The following UBTD2 variants were observed in gnomAD, a reference collection of about 807,000 sequenced individuals.
The protein encoded by UBTD2 is ubiquitin domain-containing protein 2.
In UBTD2, 9 loss-of-function variants were observed where a neutral mutation model predicts 19.8. That is an observed-to-expected ratio of 0.46 (90% CI 0.27 to 0.79). The LOEUF is 0.79. UBTD2 is among the 30% of genes least tolerant of loss of function. The pLI is 0.14. For synonymous variants in UBTD2, 98 were observed against 103.9 expected (o/e 0.94, Z 0.35); for missense variants, 250 against 300.4 (o/e 0.83, Z 1.24).
chr5:172,223,195 G>T (rs942934727), intron 2 of UBTD2, among the ~76,000 whole-genome samples: 1 of 152,120 alleles, frequency 6.6e-6, no homozygotes, highest in East Asian at 1.9e-4. Context: ...ATTGTTCCAG[G>T]TTCCATGAGA....
chr5:172,212,830 A>G, intron 2 of UBTD2, among the ~76,000 whole-genome samples: 1 of 124,186 alleles, frequency 8.1e-6, no homozygotes, highest in South Asian at 2.9e-4. Context: ...ATACCCGGCT[A>G]ATTTTTTGTA....
At chr5:172,251,647 A>T (rs1236565945) in intron 1 of UBTD2, among the ~76,000 whole-genome samples, 2 of 152,028 alleles carry the variant, frequency 1.3e-5, no homozygotes, top group Non-Finnish European at 2.9e-5. Context: ...AAAAATGGCA[A>T]CCAAGAATAC....
intron 1 of UBTD2, chr5:172,242,496 A>T (rs983744911): frequency 5.6e-6 from 5 of 891,116 alleles, no homozygotes; most frequent in Non-Finnish European, 6.7e-6. Flanking sequence ...GTGTGAAGAC[A>T]TTTTAACTTG....
chr5:172,272,846 C>T (rs542972549), intron 1 of UBTD2, among the ~76,000 whole-genome samples: 26 of 152,010 alleles, frequency 1.7e-4, no homozygotes, highest in African/African-American at 5.8e-4. Flanking sequence ...TTTGGGAGGC[C>T]GAGGCAGGCG....
chr5:172,229,277 G>A (rs1193355372), intron 2 of UBTD2, among the ~76,000 whole-genome samples: 2 of 151,968 alleles, frequency 1.3e-5, no homozygotes. Flanking sequence ...GAGGCGGGTG[G>A]ATCACAAGGT....
chr5:172,221,919 T>C (rs773465974), intron 2 of UBTD2, among the ~76,000 whole-genome samples: 5 of 152,308 alleles, frequency 3.3e-5, no homozygotes, highest in African/African-American at 7.2e-5. Context: ...ATGGTGAATG[T>C]TGATACTGGG....
chr5:172,263,792 C>CA (rs1000794046), intron 1 of UBTD2, among the ~76,000 whole-genome samples: 14 of 150,578 alleles, frequency 9.3e-5, no homozygotes, highest in Non-Finnish European at 1.6e-4. Context: ...GACTCCATCT[C>CA]AAAAAAAACC....
chr5:172,279,276 G>A (rs1296705196), intron 1 of UBTD2, among the ~76,000 whole-genome samples: 2 of 152,174 alleles, frequency 1.3e-5, no homozygotes, highest in African/African-American at 2.4e-5. Context: ...TTGCACTAAC[G>A]TAATAACTGC....
At chr5:172,278,070 A>G (rs1755643248) in intron 1 of UBTD2, among the ~76,000 whole-genome samples, 1 of 152,196 alleles carries the variant, frequency 6.6e-6, no homozygotes, top group African/African-American at 2.4e-5. Context: ...ACCATCATAC[A>G]CTGCTGGTAA....
chr5:172,254,187 C>A (rs1183603335), intron 1 of UBTD2, among the ~76,000 whole-genome samples: 5 of 152,102 alleles, frequency 3.3e-5, no homozygotes, highest in African/African-American at 1.2e-4. Flanking sequence ...ACAACCTCTG[C>A]CTCCCGGGTT....
In UBTD2 at chr5:172,217,626, C is replaced by T; in HGVS notation, c.308-5399G>A. 1.3e-5 allele frequency among the ~76,000 whole-genome samples: 2 copies of T among 152,026 alleles called. 1 individual carries two copies. The highest frequency in any genetic ancestry group is 4.2e-4 in the South Asian group (2 of 4,816). ...TTAGTCTCATGAGTAGCTGGAACTACAGGTATACCCCACCATGCCCAGGTA... is the reference window on the plus strand; with the variant it reads ...TTAGTCTCATGAGTAGCTGGAACTATAGGTATACCCCACCATGCCCAGGTA... On this transcript the variant is annotated intron_variant, in intron 2 of 2. Coordinates refer to ENST00000393792, the MANE Select transcript of UBTD2 (RefSeq NM_152277.3).
At position 172,283,536 on chromosome 5, in the gene UBTD2, G is replaced by A. The variant is rs1277226427; in HGVS notation, c.70+60C>T. 1.7e-5 allele frequency: 21 copies of A among 1,241,950 alleles called. No individual in the cohort carries two copies. Among genetic ancestry groups the A allele is most frequent in the South Asian group, 3.1e-5 (1 of 32,184 alleles). 76.9% of individuals were successfully genotyped at this position (1,241,950 alleles called of 1,614,324 possible). A position where few individuals can be genotyped will look rare whatever the true frequency, so the allele number is the denominator to read the frequency against. On this transcript the variant is annotated intron_variant, in intron 1 of 2. Coordinates refer to ENST00000393792, the MANE Select transcript of UBTD2 (RefSeq NM_152277.3). This position sits in a 1 kb window ranked among gnomAD's most constrained non-coding sequence, Gnocchi z 4.3. ...GGCGCGGCCCGCGGGGGTCGGGACA[G>A]GTGGCCGGGCCTGGCCGGGAACAAT...
intron 1 of UBTD2, among the ~76,000 whole-genome samples, chr5:172,281,431 C>A (rs1479678645): frequency 1.3e-5 from 2 of 152,074 alleles, no homozygotes; most frequent in South Asian, 4.1e-4. Flanking sequence ...CCTGGGAGGT[C>A]AAGGCTGCAG....
intron 2 of UBTD2, among the ~76,000 whole-genome samples, chr5:172,231,974 A>G (rs1055554119): frequency 6.6e-6 from 1 of 152,144 alleles, no homozygotes; most frequent in Admixed American, 6.6e-5. Context: ...AACTGAGACT[A>G]AAGAGTCATA....
intron 1 of UBTD2, among the ~76,000 whole-genome samples, chr5:172,243,596 CTT>C (rs199993441): frequency 0.016 from 1,293 of 83,140 alleles, 28 homozygotes; most frequent in African/African-American, 0.054. Flanking sequence ...GAGTTTTTCT[CTT>C]GTCACCTAGG....
At chr5:172,221,562 T>G (rs1371445325) in intron 2 of UBTD2, among the ~76,000 whole-genome samples, 5 of 152,134 alleles carry the variant, frequency 3.3e-5, no homozygotes, top group Non-Finnish European at 7.4e-5. Context: ...GGCGAAAACT[T>G]AAATGCATAT....
chr5:172,272,838 T>C (rs1057387703), intron 1 of UBTD2, among the ~76,000 whole-genome samples: 2 of 152,154 alleles, frequency 1.3e-5, no homozygotes, highest in Non-Finnish European at 2.9e-5. Context: ...CCCAGCACTT[T>C]GGGAGGCCGA....
chr5:172,211,635 C>T lies in UBTD2; in HGVS notation c.*195G>A. ...AATTGTAATTACATGAGTCTCAAAG[C>T]CTGGCTCTTTGTGTTTTATTATTTT... On this transcript the variant is annotated 3_prime_UTR_variant, in exon 3 of 3. Coordinates refer to ENST00000393792, the MANE Select transcript of UBTD2 (RefSeq NM_152277.3). The T allele has an allele frequency of 1.9e-6, 1 of 521,678 alleles. No homozygotes were observed. Among genetic ancestry groups the T allele is most frequent in the Non-Finnish European group, 3.2e-6 (1 of 314,564 alleles). 32.3% of individuals were successfully genotyped at this position (521,678 alleles called of 1,614,324 possible). A position where few individuals can be genotyped will look rare whatever the true frequency, so the allele number is the denominator to read the frequency against.
chr5:172,274,538 A>T (rs1448740591), intron 1 of UBTD2, among the ~76,000 whole-genome samples: 2 of 152,142 alleles, frequency 1.3e-5, no homozygotes, highest in Non-Finnish European at 2.9e-5. Flanking sequence ...CACTGAAAAT[A>T]CATAAGAAAG....
Sources: gnomAD v4.1 joint callset for allele counts (sites outside exome capture counted in the v4.1 genomes callset) on GRCh38, gnomAD v4.1.1 for gene constraint, Gnocchi (gnomAD v3.1) non-coding constraint, MANE v1.5 for transcripts, NCBI Gene and HGNC (gene_info 2026-07-23, HGNC 2026-07-21) for gene names.